The following COL25A1 variants were observed in gnomAD, a reference collection of about 807,000 sequenced individuals.
COL25A1 encodes collagen type XXV alpha 1 chain.
A neutral mutation model predicts 128.4 loss-of-function variants in COL25A1; 103 were observed. The ratio of observed to expected loss-of-function variants is 0.80; its 90% confidence interval spans 0.68 to 0.94. The LOEUF (loss-of-function observed/expected upper bound fraction) is 0.94, where lower values mean the gene tolerates loss of function less well. COL25A1 is among the 40% of genes least tolerant of loss of function. The probability of loss-of-function intolerance (pLI) is 0.00; values close to 1 mark genes in which losing one functional copy is unlikely to be tolerated. For missense variants in COL25A1, 745 were observed against 840.0 expected, an observed-to-expected ratio of 0.89 and a Z score of 1.40; for synonymous variants, 279 against 277.2, an observed-to-expected ratio of 1.01 and a Z score of -0.06.
chr4:109,007,252 A>G (rs1756110906), intron 6 of COL25A1, among the ~76,000 whole-genome samples: 1 of 152,200 alleles, frequency 6.6e-6, no homozygotes, highest in African/African-American at 2.4e-5. Flanking sequence ...AGCCTATATA[A>G]AATTCATCTA....
chr4:108,869,020 GGAAA>G, intron 20 of COL25A1, 64 bp downstream of exon 20: 2 of 922,800 alleles, frequency 2.2e-6, no homozygotes, highest in Non-Finnish European at 3.3e-6. Flanking sequence ...GAAAAGGAAA[GGAAA>G]GAAGGAAGGA....
chr4:109,228,117 T>G (rs1225866718), intron 3 of COL25A1, among the ~76,000 whole-genome samples: 1 of 152,142 alleles, frequency 6.6e-6, no homozygotes, highest in Non-Finnish European at 1.5e-5. Context: ...TATTTTGTTC[T>G]CTCTAGGACC....
At chr4:109,153,966 C>T (rs1771789960) in intron 3 of COL25A1, among the ~76,000 whole-genome samples, 2 of 152,144 alleles carry the variant, frequency 1.3e-5, no homozygotes, top group African/African-American at 4.8e-5. Context: ...GACTGTACTA[C>T]CAACACATGA....
chr4:108,814,470 T>TGACAGCAG (rs1353800137), intron 37 of COL25A1, among the ~76,000 whole-genome samples: 1 of 152,208 alleles, frequency 6.6e-6, no homozygotes, highest in African/African-American at 2.4e-5. Context: ...AAGGTAGACC[T>TGACAGCAG]GCCTGCTGTC....
intron 9 of COL25A1, 54 bp from the exon 10 acceptor site, chr4:108,940,700 G>C (rs1432478803): frequency 4.1e-6 from 5 of 1,224,928 alleles, no homozygotes; most frequent in African/African-American, 1.5e-5. Flanking sequence ...AAAGACCCAG[G>C]TCTTCTTTTC....
chr4:109,289,026 C>G (rs1560986510), intron 3 of COL25A1, among the ~76,000 whole-genome samples: 1 of 150,044 alleles, frequency 6.7e-6, no homozygotes, highest in Non-Finnish European at 1.5e-5. Context: ...AAATTTTTTG[C>G]TTACCTAAAG....
At chr4:108,849,418 T>C (rs563210411) in intron 26 of COL25A1, among the ~76,000 whole-genome samples, 111 of 152,332 alleles carry the variant, frequency 7.3e-4, no homozygotes, top group Non-Finnish European at 1.4e-3. Context: ...TACTGTGCTA[T>C]GAATGAACTA....
At chr4:109,150,392 T>C (rs1209221584) in intron 3 of COL25A1, among the ~76,000 whole-genome samples, 1 of 152,108 alleles carries the variant, frequency 6.6e-6, no homozygotes, top group African/African-American at 2.4e-5. Flanking sequence ...GAGTGAAAAC[T>C]GGGGTCATAA....
At chr4:108,822,295 C>T (rs1174231177) in intron 35 of COL25A1, among the ~76,000 whole-genome samples, 2 of 152,010 alleles carry the variant, frequency 1.3e-5, no homozygotes, top group Non-Finnish European at 2.9e-5. Flanking sequence ...CCACCCGCCT[C>T]GGCCTCCCAA....
intron 3 of COL25A1, among the ~76,000 whole-genome samples, chr4:109,260,053 C>T (rs2126254151): frequency 6.6e-6 from 1 of 152,312 alleles, no homozygotes; most frequent in South Asian, 2.1e-4. Flanking sequence ...AGTCAAGGTG[C>T]AGCTGTACCA....
intron 3 of COL25A1, among the ~76,000 whole-genome samples, chr4:109,135,740 G>A (rs1201061185): frequency 6.6e-6 from 1 of 151,976 alleles, no homozygotes; most frequent in Non-Finnish European, 1.5e-5. Context: ...AGCATGAGAG[G>A]CAAAAATAGA....
chr4:109,004,402 G>GT (rs746263927), intron 6 of COL25A1, among the ~76,000 whole-genome samples: 77 of 83,526 alleles, frequency 9.2e-4, no homozygotes, highest in South Asian at 4.9e-3. Flanking sequence ...TGAGGTTTGT[G>GT]TTTTTTTTTT....
intron 3 of COL25A1, among the ~76,000 whole-genome samples, chr4:109,160,757 C>T (rs1349548532): frequency 6.6e-6 from 1 of 152,148 alleles, no homozygotes; most frequent in African/African-American, 2.4e-5. Flanking sequence ...CCGGCCTGAC[C>T]TGTAAGTGAG....
intron 3 of COL25A1, among the ~76,000 whole-genome samples, chr4:109,160,648 C>G (rs1286234323): frequency 1.3e-5 from 2 of 152,154 alleles, no homozygotes; most frequent in African/African-American, 4.8e-5. Flanking sequence ...TACTACAAGA[C>G]TGGCCTATTG....
chr4:108,905,852 G>T (rs1250930061), intron 13 of COL25A1, among the ~76,000 whole-genome samples: 1 of 149,986 alleles, frequency 6.7e-6, no homozygotes, highest in Non-Finnish European at 1.5e-5. Flanking sequence ...CAGTATGTCG[G>T]GGGGGGGTGC....
At chr4:108,955,626 G>T (rs1308439093) in intron 8 of COL25A1, among the ~76,000 whole-genome samples, 2 of 152,158 alleles carry the variant, frequency 1.3e-5, no homozygotes, top group African/African-American at 4.8e-5. Flanking sequence ...GGAACATTAT[G>T]ATCTGTGTCA....
At chr4:109,093,459 A>AAAAAAACAAC (rs1553930994) in intron 3 of COL25A1, among the ~76,000 whole-genome samples, 2 of 121,994 alleles carry the variant, frequency 1.6e-5, no homozygotes, top group African/African-American at 5.7e-5. Context: ...ATCTCTATGA[A>AAAAAAACAAC]AAAAAAAAAA....
chr4:109,178,519 T>C (rs573064374), intron 3 of COL25A1, among the ~76,000 whole-genome samples: 1 of 152,192 alleles, frequency 6.6e-6, no homozygotes, highest in East Asian at 1.9e-4. Context: ...AAGCCTCAGT[T>C]TTCTCATCTA....
At chr4:109,215,296 A>G (rs1371238159) in intron 3 of COL25A1, among the ~76,000 whole-genome samples, 1 of 152,206 alleles carries the variant, frequency 6.6e-6, no homozygotes, top group Non-Finnish European at 1.5e-5. Flanking sequence ...CTAAAAGTCA[A>G]TAAACAAATC....
Sources: allele counts gnomAD v4.1 joint callset (sites outside exome capture counted in the v4.1 genomes callset), GRCh38; gene constraint gnomAD v4.1.1; transcripts MANE v1.5; gene names NCBI Gene and HGNC (gene_info 2026-07-23, HGNC 2026-07-21).